The following EML4 variants were observed in gnomAD, a reference collection of about 807,000 sequenced individuals.
The protein encoded by EML4 is echinoderm microtubule-associated protein-like 4.
EML4 carries 72 observed loss-of-function variants against 129.0 expected under a neutral mutation model. That is an observed-to-expected ratio of 0.56 (90% confidence interval 0.46 to 0.68). The LOEUF (loss-of-function observed/expected upper bound fraction) is 0.68. EML4 is among the 30% of genes least tolerant of loss of function. The pLI is 0.00. For synonymous variants in EML4, 532 were observed against 405.0 expected, an observed-to-expected ratio of 1.31 and a Z score of -3.77; for missense variants, 1,363 against 1,190.6, an observed-to-expected ratio of 1.14 and a Z score of -2.13.
At position 42,263,911 on chromosome 2, in the gene EML4, G is replaced by T. The variant is rs183082227; in HGVS notation, c.641+605G>T. Among the ~76,000 whole-genome samples, 512 of 150,778 alleles carry T rather than the reference G, an allele frequency of 3.4e-3. 1 individual carries two copies. The highest frequency in any genetic ancestry group is 5.8e-3 in the Admixed American group (87 of 15,112). ...CGCCCAGCTAATTTTTGTATTTTTG[G>T]TAGAGATGGTGTTTTCACCACGTTA... On this transcript the variant is annotated intron_variant, in intron 5 of 22. Coordinates refer to ENST00000318522, the MANE Select transcript of EML4 (RefSeq NM_019063.5).
chr2:42,228,524 T>C (rs1674122321), intron 1 of EML4, among the ~76,000 whole-genome samples: 1 of 152,248 alleles, frequency 6.6e-6, no homozygotes, highest in Admixed American at 6.5e-5. Context: ...AATATAGCTG[T>C]AGTCTTATAA....
intron 12 of EML4, 32 bp from the exon 13 acceptor site, chr2:42,295,349 G>C (rs1216631666): frequency 5.6e-6 from 9 of 1,605,330 alleles, no homozygotes; most frequent in Non-Finnish European, 7.6e-6. Context: ...ATGGCAAAAA[G>C]AAAACTGAAA....
rs180938196 is a variant in EML4, at chr2:42,309,961, T to C, written c.1967+5410T>C. 2.8e-3 allele frequency among the ~76,000 whole-genome samples: 425 copies of C among 152,362 alleles called. 2 individuals are homozygous for C. Among genetic ancestry groups the C allele is most frequent in the African/African-American group, 9.5e-3 (397 of 41,586 alleles). The stretch of plus-strand genomic sequence containing the variant: ...GTTTTCTTCTAAGAGTTTTATAGTT[T>C]TAGCTCTTACCTTTAGGTCTCCAAT... On this transcript the variant is annotated intron_variant, in intron 17 of 22. Transcript: ENST00000318522.
At chr2:42,319,866 G>C (rs1669430850) in intron 19 of EML4, 1 of 152,190 alleles carries the variant, frequency 6.6e-6, no homozygotes, top group Non-Finnish European at 1.5e-5. Context: ...TTAGGTGACT[G>C]TTATAGCTGC....
rs1177728930 is a variant in EML4, at chr2:42,330,678, C to T, written c.*471C>T. 7 of 248,208 alleles carry T rather than the reference C, an allele frequency of 2.8e-5. No individual in the cohort carries two copies. The highest frequency in any genetic ancestry group is 4.8e-5 in the Non-Finnish European group (6 of 125,428). 15.4% of individuals were successfully genotyped at this position (248,208 alleles called of 1,614,324 possible). A position where few individuals can be genotyped will look rare whatever the true frequency, so the allele number is the denominator to read the frequency against. On this transcript the variant is annotated 3_prime_UTR_variant, in exon 23 of 23. Coordinates refer to ENST00000318522, the MANE Select transcript of EML4 (RefSeq NM_019063.5). ...AAAAAAATGTACTCTTACTGAGATA[C>T]CCTCTCACCCCAAATGTGTAATGGA...
chr2:42,250,180 G>C (rs1258667700), intron 2 of EML4, among the ~76,000 whole-genome samples: 1 of 152,198 alleles, frequency 6.6e-6, no homozygotes, highest in East Asian at 1.9e-4. Context: ...TGTAAACCAG[G>C]AAACTGCTGG....
chr2:42,240,045 T>C (rs1410253825), intron 1 of EML4, among the ~76,000 whole-genome samples: 1 of 152,072 alleles, frequency 6.6e-6, no homozygotes, highest in Non-Finnish European at 1.5e-5. Context: ...TGTCTCAGAG[T>C]CTTAGTTTAC....
chr2:42,283,123 A>G, intron 8 of EML4, 151 bp downstream of exon 8: 1 of 782,664 alleles, frequency 1.3e-6, no homozygotes, highest in Non-Finnish European at 1.9e-6. Context: ...TTAAAAAGAA[A>G]AAAAGGACTT....
chr2:42,284,506 C>A, intron 8 of EML4, 128 bp from the exon 9 acceptor site: 2 of 524,982 alleles, frequency 3.8e-6, no homozygotes, highest in Non-Finnish European at 6.6e-6. Context: ...GTTTGATTTG[C>A]TGAAGAAAAC....
chr2:42,233,309 C>CTTTT (rs1045073425), intron 1 of EML4, among the ~76,000 whole-genome samples: 1 of 137,118 alleles, frequency 7.3e-6, no homozygotes, highest in African/African-American at 2.6e-5. Flanking sequence ...AGGTTTCTTT[C>CTTTT]TTTTTTTTTT....
At chr2:42,313,622 C>T (rs1051843640) in intron 17 of EML4, among the ~76,000 whole-genome samples, 2 of 151,930 alleles carry the variant, frequency 1.3e-5, no homozygotes, top group Non-Finnish European at 2.9e-5. Context: ...AGTTATAGTG[C>T]TTTAAAATGA....
intron 13 of EML4, among the ~76,000 whole-genome samples, chr2:42,296,878 A>C (rs1037027801): frequency 2.6e-5 from 4 of 152,214 alleles, no homozygotes; most frequent in African/African-American, 9.7e-5. Context: ...ATATCCCGAT[A>C]AATCTATCAT....
intron 1 of EML4, among the ~76,000 whole-genome samples, chr2:42,174,145 CAT>C (rs757882818): frequency 6.6e-6 from 1 of 151,954 alleles, no homozygotes; most frequent in African/African-American, 2.4e-5. Context: ...ATTTCTGTAA[CAT>C]GTAAAACTTC....
chr2:42,171,036 C>T (rs961840382), intron 1 of EML4, among the ~76,000 whole-genome samples: 2 of 152,162 alleles, frequency 1.3e-5, no homozygotes, highest in African/African-American at 4.8e-5. Context: ...TAGGAGGCAA[C>T]TGAGTGTTGT....
At chr2:42,261,484 T>A in intron 4 of EML4, 190 bp downstream of exon 4, 6 of 343,374 alleles carry the variant, frequency 1.7e-5, no homozygotes, top group Non-Finnish European at 3.0e-5. Context: ...TCACAATTTC[T>A]CAGTTAAAAC....
At chr2:42,300,307 G>A (rs1290170826) in intron 13 of EML4, among the ~76,000 whole-genome samples, 3 of 152,202 alleles carry the variant, frequency 2.0e-5, no homozygotes, top group African/African-American at 4.8e-5. Flanking sequence ...TCTAGCTAAA[G>A]AGCTTCTCTG....
chr2:42,222,990 G>A (rs1673711787), intron 1 of EML4, among the ~76,000 whole-genome samples: 1 of 151,946 alleles, frequency 6.6e-6, no homozygotes, highest in Admixed American at 6.6e-5. Context: ...TAGTAGAGAT[G>A]GGGTGTCACT....
chr2:42,246,639 A>G (rs759319910), intron 2 of EML4, among the ~76,000 whole-genome samples: 11 of 152,204 alleles, frequency 7.2e-5, no homozygotes, highest in African/African-American at 2.4e-4. Flanking sequence ...GCTGAATTAC[A>G]TATGGATCTA....
intron 16 of EML4, 83 bp downstream of exon 16, chr2:42,303,529 T>TC: frequency 6.9e-7 from 1 of 1,455,680 alleles, no homozygotes; most frequent in Non-Finnish European, 9.5e-7. Flanking sequence ...TAAAAAGGAC[T>TC]AAGTGTTGAT....
Sources: gnomAD v4.1 joint callset for allele counts (sites outside exome capture counted in the v4.1 genomes callset) on GRCh38, gnomAD v4.1.1 for gene constraint, MANE v1.5 for transcripts, NCBI Gene and HGNC (gene_info 2026-07-23, HGNC 2026-07-21) for gene names.